Variants in BMPR1B observed in about 807,000 individuals in gnomAD.
BMPR1B encodes bone morphogenetic protein receptor type-1B.
BMPR1B carries 12 observed loss-of-function variants against 59.1 expected under a neutral mutation model. The ratio of observed to expected loss-of-function variants is 0.20; its 90% CI spans 0.13 to 0.33. The LOEUF is 0.33. Ranked by LOEUF, BMPR1B falls within the 10% of genes least tolerant of loss-of-function variation. BMPR1B has a pLI of 1.00. For synonymous variants in BMPR1B, 237 were observed against 207.3 expected (o/e 1.14, Z -1.23); for missense variants, 550 against 610.9 (o/e 0.90, Z 1.05).
chr4:95,128,613 C>T (rs1733074636), intron 8 of BMPR1B, among the ~76,000 whole-genome samples: 1 of 152,148 alleles, frequency 6.6e-6, no homozygotes, highest in Non-Finnish European at 1.5e-5. Flanking sequence ...GTTCAGAGCT[C>T]TCTTAGAGCT....
At chr4:95,103,180 A>G (rs1730950366) in intron 3 of BMPR1B, among the ~76,000 whole-genome samples, 1 of 152,082 alleles carries the variant, frequency 6.6e-6, no homozygotes, top group Admixed American at 6.6e-5. Flanking sequence ...TTTTTTCTGT[A>G]AGAATTTGAA....
chr4:94,851,605 A>AACTG (rs2148947325), intron 1 of BMPR1B, among the ~76,000 whole-genome samples: 1 of 152,220 alleles, frequency 6.6e-6, no homozygotes, highest in South Asian at 2.1e-4. Flanking sequence ...ATAGTCCAGT[A>AACTG]ACTGATATTC....
intron 1 of BMPR1B, among the ~76,000 whole-genome samples, chr4:94,854,092 A>G (rs999973120): frequency 4.7e-5 from 7 of 149,054 alleles, no homozygotes; most frequent in Non-Finnish European, 8.9e-5. Flanking sequence ...CCCCTGGGCT[A>G]TCTTCATATA....
chr4:95,101,898 C>G (rs759533389), intron 3 of BMPR1B, among the ~76,000 whole-genome samples: 15 of 152,052 alleles, frequency 9.9e-5, no homozygotes, highest in Non-Finnish European at 1.0e-4. Flanking sequence ...TTTAGTGTCT[C>G]CTCCCTTGAT....
intron 10 of BMPR1B, among the ~76,000 whole-genome samples, chr4:95,137,816 G>A (rs1733912262): frequency 6.6e-6 from 1 of 151,950 alleles, no homozygotes; most frequent in South Asian, 2.1e-4. Context: ...ACATGAGATG[G>A]GTCTCCTGAA....
intron 1 of BMPR1B, among the ~76,000 whole-genome samples, chr4:94,862,900 G>A (rs1236750003): frequency 2.0e-5 from 3 of 148,892 alleles, no homozygotes; most frequent in Non-Finnish European, 3.0e-5. Flanking sequence ...AGCCGAGATC[G>A]CGCCTCTGCA....
intron 2 of BMPR1B, among the ~76,000 whole-genome samples, chr4:94,906,433 A>G (rs924676622): frequency 6.6e-6 from 1 of 152,034 alleles, no homozygotes; most frequent in South Asian, 2.1e-4. Flanking sequence ...TAAAGTATTC[A>G]CTCTTAAGGG....
chr4:94,891,838 GTTTA>G (rs946740284), intron 2 of BMPR1B, among the ~76,000 whole-genome samples: 1 of 152,018 alleles, frequency 6.6e-6, no homozygotes, highest in Non-Finnish European at 1.5e-5. Flanking sequence ...TTGCCTGTTT[GTTTA>G]TTCATTCATT....
At chr4:95,069,274 A>G (rs936858872) in intron 3 of BMPR1B, among the ~76,000 whole-genome samples, 9 of 152,128 alleles carry the variant, frequency 5.9e-5, no homozygotes, top group Admixed American at 2.6e-4. Context: ...TTTGCTCTCT[A>G]TAGTCTATTC....
In BMPR1B at chr4:95,144,490, T is replaced by TAAAAA. The variant is rs1210564583; in HGVS notation, c.1077-4254_1077-4250dup. On this transcript the variant is annotated intron_variant, in intron 10 of 12. Transcript: ENST00000515059. ...CACCACACCAGGCCTTTTTTTTTTT[T>TAAAAA]AAAAAAAATACTCATTGAAGCATGA... Among the ~76,000 whole-genome samples, 412 of 148,974 alleles carry TAAAAA rather than the reference T, an allele frequency of 2.8e-3. 2 individuals carry two copies. Among genetic ancestry groups the TAAAAA allele is most frequent in the African/African-American group, 9.6e-3 (374 of 39,138 alleles).
intron 3 of BMPR1B, among the ~76,000 whole-genome samples, chr4:95,090,785 T>A (rs1482879212): frequency 6.6e-6 from 1 of 152,106 alleles, no homozygotes; most frequent in Non-Finnish European, 1.5e-5. Context: ...TATTTCATTC[T>A]GTTTTAACCA....
In BMPR1B at chr4:95,156,668, T is replaced by A. The variant is rs1030609677; in HGVS notation, c.*1995T>A. 1 of 151,972 alleles carries A rather than the reference T, an allele frequency of 6.6e-6. No individual in the cohort carries two copies. Among genetic ancestry groups the A allele is most frequent in the Non-Finnish European group, 1.5e-5 (1 of 67,974 alleles). 9.4% of individuals were successfully genotyped at this position (151,972 alleles called of 1,614,324 possible). A position where few individuals can be genotyped will look rare whatever the true frequency, so the allele number is the denominator to read the frequency against. ...TCCTTGAAATTGAAAAAAAAAAAAT[T>A]GTGTTTTTAAAGAGTGAAAACAGTT... On this transcript the variant is annotated 3_prime_UTR_variant, in exon 13 of 13. Transcript: ENST00000515059.
chr4:95,129,623 AAAG>A (rs1733162363), intron 8 of BMPR1B, among the ~76,000 whole-genome samples: 2 of 152,218 alleles, frequency 1.3e-5, no homozygotes, highest in African/African-American at 4.8e-5. Flanking sequence ...ATACTAAAAT[AAAG>A]TATTTCATAA....
At chr4:94,972,671 G>A (rs1338352243) in intron 2 of BMPR1B, among the ~76,000 whole-genome samples, 1 of 151,892 alleles carries the variant, frequency 6.6e-6, no homozygotes, top group Admixed American at 6.6e-5. Flanking sequence ...CAGTGAACAT[G>A]ACAGTGGAAA....
At chr4:95,050,329 G>A (rs1339487225) in intron 3 of BMPR1B, among the ~76,000 whole-genome samples, 1 of 152,166 alleles carries the variant, frequency 6.6e-6, no homozygotes, top group East Asian at 1.9e-4. Context: ...GTGAAATGCA[G>A]AATGTGTAGT....
chr4:95,122,335 C>CAA (rs34062951), intron 6 of BMPR1B, among the ~76,000 whole-genome samples: 8,130 of 126,920 alleles, frequency 0.064, 421 homozygotes, highest in African/African-American at 0.15. Context: ...GATCCTGTAT[C>CAA]AAAAAAAAAA....
chr4:94,887,334 A>G (rs929887664), intron 2 of BMPR1B, among the ~76,000 whole-genome samples: 2 of 151,140 alleles, frequency 1.3e-5, no homozygotes, highest in African/African-American at 4.8e-5. Context: ...AATCTATTGA[A>G]AAAGATCAGA....
chr4:94,819,146 T>TAA (rs1724115191), intron 1 of BMPR1B, among the ~76,000 whole-genome samples: 2 of 151,580 alleles, frequency 1.3e-5, no homozygotes, highest in African/African-American at 4.8e-5. Context: ...AAATAAAATT[T>TAA]TTTTTTTTTT....
At chr4:94,960,560 G>C (rs537565501) in intron 2 of BMPR1B, among the ~76,000 whole-genome samples, 3 of 152,178 alleles carry the variant, frequency 2.0e-5, no homozygotes, top group Admixed American at 6.6e-5. Flanking sequence ...AAGCTCTACT[G>C]TTTCTAGCCA....
Sources: gnomAD v4.1 joint callset for allele counts (sites outside exome capture counted in the v4.1 genomes callset) on GRCh38, gnomAD v4.1.1 for gene constraint, MANE v1.5 for transcripts, NCBI Gene and HGNC (gene_info 2026-07-23, HGNC 2026-07-21) for gene names.